Variants in STX18 observed in about 807,000 individuals in gnomAD.
The protein encoded by STX18 is syntaxin 18.
In STX18, 40 loss-of-function variants were observed where a neutral mutation model predicts 50.1. The ratio of observed to expected loss-of-function variants is 0.80; its 90% CI spans 0.62 to 1.04. The LOEUF is 1.04. STX18 is among the 50% of genes least tolerant of loss of function. The pLI, the probability that STX18 is intolerant of heterozygous loss-of-function variation, is 0.00. For synonymous variants in STX18, 158 were observed against 151.8 expected (o/e 1.04, Z -0.30); for missense variants, 410 against 415.8 (o/e 0.99, Z 0.12).
chr4:4,461,038 G>A (rs2108821375), intron 2 of STX18, among the ~76,000 whole-genome samples: 1 of 152,316 alleles, frequency 6.6e-6, no homozygotes, highest in Middle Eastern at 3.4e-3. Context: ...TATGTACCCT[G>A]CAGACAGAAC....
intron 7 of STX18, among the ~76,000 whole-genome samples, chr4:4,431,459 C>T (rs915213151): frequency 2.0e-5 from 3 of 152,152 alleles, no homozygotes; most frequent in African/African-American, 7.2e-5. Context: ...TTGGCTTCTC[C>T]GCCCCAGCCT....
At chr4:4,511,077 C>T (rs749107585) in intron 1 of STX18, among the ~76,000 whole-genome samples, 4 of 152,202 alleles carry the variant, frequency 2.6e-5, no homozygotes, top group Admixed American at 1.3e-4. Context: ...ACCTATATGA[C>T]GGGTTGACAG....
chr4:4,435,323 TC>T (rs1287717031), intron 6 of STX18, among the ~76,000 whole-genome samples: 6 of 152,222 alleles, frequency 3.9e-5, no homozygotes, highest in African/African-American at 2.4e-5. Context: ...TATACTGTTC[TC>T]CAATCCTATT....
intron 1 of STX18, among the ~76,000 whole-genome samples, chr4:4,481,351 A>G (rs955626622): frequency 3.0e-4 from 46 of 152,236 alleles, no homozygotes; most frequent in Non-Finnish European, 1.9e-4. Flanking sequence ...ATTATGGAAC[A>G]CTAAGTACTG....
At chr4:4,447,338 C>A (rs1359973914) in intron 5 of STX18, among the ~76,000 whole-genome samples, 1 of 150,866 alleles carries the variant, frequency 6.6e-6, no homozygotes, top group African/African-American at 2.4e-5. Context: ...GCCTGTAATC[C>A]CAGCACTTTG....
chr4:4,532,481 A>C (rs572099369), intron 1 of STX18, among the ~76,000 whole-genome samples: 132 of 152,322 alleles, frequency 8.7e-4, no homozygotes, highest in Non-Finnish European at 5.3e-4. Flanking sequence ...AACAAAAAAA[A>C]AACCTCACTC....
At chr4:4,503,499 TA>T (rs1729556303) in intron 1 of STX18, among the ~76,000 whole-genome samples, 2 of 152,168 alleles carry the variant, frequency 1.3e-5, no homozygotes, top group Non-Finnish European at 2.9e-5. Context: ...GAAATTTTTT[TA>T]AAAATTAAAT....
chr4:4,525,617 T>C (rs1730714109), intron 1 of STX18, among the ~76,000 whole-genome samples: 1 of 152,160 alleles, frequency 6.6e-6, no homozygotes, highest in Non-Finnish European at 1.5e-5. Flanking sequence ...GCTGTATTAC[T>C]GGGTACAAGA....
intron 5 of STX18, among the ~76,000 whole-genome samples, chr4:4,441,056 T>C (rs960165663): frequency 6.6e-6 from 1 of 152,180 alleles, no homozygotes; most frequent in Non-Finnish European, 1.5e-5. Flanking sequence ...CATTTCTTCT[T>C]CATGGAGCTG....
Position 4,502,212 on chromosome 4 carries a change from A to G in STX18, c.169-30506T>C, listed in dbSNP as rs1427562366. The stretch of plus-strand genomic sequence containing the variant: ...AAACAAATGACAGCACTTTTTTTTA[A>G]TTTGGTGAAAATTACATTAGTATAA... On this transcript the variant is annotated intron_variant, in intron 1 of 10. Transcript: ENST00000306200. Among the ~76,000 whole-genome samples the G allele has an allele frequency of 4.6e-5, 7 of 152,318 alleles. No individual in the cohort carries two copies. In the East Asian group the frequency reaches 1.4e-3, roughly 29 times the overall value.
chr4:4,527,842 A>ATATATATATAATTTTATATATATATGTC (rs1560211249), intron 1 of STX18, among the ~76,000 whole-genome samples: 1 of 131,626 alleles, frequency 7.6e-6, no homozygotes, highest in Admixed American at 7.6e-5. Context: ...ATATGTCTTT[A>ATATATATATAATTTTATATATATATGTC]TATATATATA....
At chr4:4,454,948 G>C (rs1248281179) in intron 5 of STX18, among the ~76,000 whole-genome samples, 1 of 152,196 alleles carries the variant, frequency 6.6e-6, no homozygotes, top group Non-Finnish European at 1.5e-5. Context: ...TTAACTCACT[G>C]TAAGTGTTTT....
chr4:4,458,351 G>A (rs988882811), intron 3 of STX18, among the ~76,000 whole-genome samples: 1 of 152,010 alleles, frequency 6.6e-6, no homozygotes, highest in Non-Finnish European at 1.5e-5. Flanking sequence ...CTTACTATAG[G>A]GCTGCTTAAC....
chr4:4,488,725 T>C (rs1482168274), intron 1 of STX18, among the ~76,000 whole-genome samples: 1 of 152,218 alleles, frequency 6.6e-6, no homozygotes, highest in East Asian at 1.9e-4. Flanking sequence ...AGATAGGTCA[T>C]GCAGACCAAT....
chr4:4,483,866 T>C (rs192734053), intron 1 of STX18, among the ~76,000 whole-genome samples: 2,323 of 152,298 alleles, frequency 0.015, 62 homozygotes, highest in African/African-American at 0.053. Context: ...CAGGAATTTT[T>C]TTTTTCCTTT....
At chr4:4,504,822 G>A (rs1339970696) in intron 1 of STX18, among the ~76,000 whole-genome samples, 1 of 151,974 alleles carries the variant, frequency 6.6e-6, no homozygotes, top group Non-Finnish European at 1.5e-5. Flanking sequence ...GTGAGAATGT[G>A]AAATAACTAG....
At chr4:4,454,145 C>G (rs1726942346) in intron 5 of STX18, among the ~76,000 whole-genome samples, 1 of 152,178 alleles carries the variant, frequency 6.6e-6, no homozygotes, top group Non-Finnish European at 1.5e-5. Context: ...GACATGGAAG[C>G]AAGGGAGTGA....
In STX18 at chr4:4,444,016, A is replaced by G. The variant is rs147624671; in HGVS notation, c.498-5507T>C. ...TCTTGTCTGATGAGAGTATCTTTGT[A>G]TACCTGGGGGCATTCCAGATAGTTT... On this transcript the variant is annotated intron_variant, in intron 5 of 10. Transcript: ENST00000306200. Among the ~76,000 whole-genome samples the G allele has an allele frequency of 2.6e-3, 402 of 151,834 alleles. 2 individuals are homozygous for G. The highest frequency in any genetic ancestry group is 9.0e-3 in the African/African-American group (375 of 41,526).
chr4:4,470,510 C>T (rs1727857613), intron 2 of STX18, among the ~76,000 whole-genome samples: 1 of 152,122 alleles, frequency 6.6e-6, no homozygotes, highest in Non-Finnish European at 1.5e-5. Flanking sequence ...GGTCCTTGAC[C>T]TCATGACATG....
Sources: gnomAD v4.1 joint callset for allele counts (sites outside exome capture counted in the v4.1 genomes callset) on GRCh38, gnomAD v4.1.1 for gene constraint, MANE v1.5 for transcripts, NCBI Gene and HGNC (gene_info 2026-07-23, HGNC 2026-07-21) for gene names.